Variants in PACS1 observed in about 807,000 individuals in gnomAD.
PACS1 encodes the protein phosphofurin acidic cluster sorting protein 1, also known as PACS-1.
PACS1 carries 24 observed loss-of-function variants against 115.0 expected under a neutral mutation model. The ratio of observed to expected loss-of-function variants is 0.21; its 90% CI spans 0.15 to 0.29. The LOEUF (loss-of-function observed/expected upper bound fraction) is 0.29. Ranked by LOEUF, PACS1 falls within the 10% of genes least tolerant of loss-of-function variation. The pLI, the probability that PACS1 is intolerant of heterozygous loss-of-function variation, is 1.00. For synonymous variants in PACS1, 453 were observed against 504.5 expected, an observed-to-expected ratio of 0.90 and a Z score of 1.37; for missense variants, 838 against 1,251.2, an observed-to-expected ratio of 0.67 and a Z score of 4.98.
intron 19 of PACS1, among the ~76,000 whole-genome samples, chr11:66,237,666 C>A (rs953311496): frequency 2.0e-5 from 3 of 152,202 alleles, no homozygotes; most frequent in Admixed American, 6.5e-5. Flanking sequence ...TTTGACACAT[C>A]TTCGTGGAGC....
At chr11:66,079,767 C>T (rs754775888) in intron 1 of PACS1, among the ~76,000 whole-genome samples, 8 of 152,156 alleles carry the variant, frequency 5.3e-5, no homozygotes, top group Admixed American at 2.0e-4. Context: ...AGTAACTTTC[C>T]GTCATACTTA....
At chr11:66,108,928 C>T (rs1473115925) in intron 1 of PACS1, among the ~76,000 whole-genome samples, 1 of 152,092 alleles carries the variant, frequency 6.6e-6, no homozygotes, top group Non-Finnish European at 1.5e-5. Flanking sequence ...ATGTTTGTGC[C>T]ACTGTACTCC....
At chr11:66,077,891 G>T (rs1012394806) in intron 1 of PACS1, among the ~76,000 whole-genome samples, 9 of 151,818 alleles carry the variant, frequency 5.9e-5, no homozygotes, top group African/African-American at 1.9e-4. Context: ...TAGTAGAGAC[G>T]GGGTTTCACC....
At chr11:66,099,391 T>C (rs1004778974) in intron 1 of PACS1, among the ~76,000 whole-genome samples, 1 of 151,308 alleles carries the variant, frequency 6.6e-6, no homozygotes, top group Non-Finnish European at 1.5e-5. Flanking sequence ...ACTCGGCTAA[T>C]TTTTTTGTAT....
chr11:66,150,248 GTTCT>G (rs567428641), intron 1 of PACS1, among the ~76,000 whole-genome samples: 4 of 152,032 alleles, frequency 2.6e-5, no homozygotes, highest in Non-Finnish European at 4.4e-5. Context: ...ACTGACATAC[GTTCT>G]TTCTCTTTCT....
intron 2 of PACS1, among the ~76,000 whole-genome samples, chr11:66,196,690 T>C (rs571883347): frequency 2.0e-5 from 3 of 152,266 alleles, no homozygotes; most frequent in Non-Finnish European, 4.4e-5. Context: ...CTCCATCTCC[T>C]GGGTTCAAGT....
At chr11:66,143,734 G>A (rs768783106) in intron 1 of PACS1, among the ~76,000 whole-genome samples, 6 of 152,010 alleles carry the variant, frequency 3.9e-5, no homozygotes, top group Admixed American at 3.9e-4. Context: ...CTGCCTCCTG[G>A]GTTCAGGCGA....
intron 1 of PACS1, among the ~76,000 whole-genome samples, chr11:66,168,304 C>T (rs1289155290): frequency 3.3e-5 from 5 of 150,606 alleles, no homozygotes; most frequent in African/African-American, 7.5e-5. Context: ...GGAGAATCAA[C>T]GTATCAATGC....
intron 1 of PACS1, among the ~76,000 whole-genome samples, chr11:66,111,525 C>G (rs1449179602): frequency 6.6e-6 from 1 of 152,224 alleles, no homozygotes; most frequent in African/African-American, 2.4e-5. Context: ...GGACCTAACT[C>G]TTGATTCTCT....
chr11:66,176,035 C>T (rs1859852079), intron 1 of PACS1, among the ~76,000 whole-genome samples: 1 of 140,748 alleles, frequency 7.1e-6, no homozygotes, highest in Non-Finnish European at 1.5e-5. Context: ...CACACTTTGA[C>T]CAAAGTGGAC....
In PACS1 at chr11:66,222,641, A is replaced by G. The variant is rs548595536; in HGVS notation, c.1293+1394A>G. Among the ~76,000 whole-genome samples, 38 of 152,258 alleles carry G rather than the reference A, an allele frequency of 2.5e-4. No individual in the cohort carries two copies. In the Middle Eastern group the frequency reaches 0.01, roughly 41 times the overall value. On this transcript the variant is annotated intron_variant, in intron 10 of 23. Coordinates refer to ENST00000320580, the MANE Select transcript of PACS1 (RefSeq NM_018026.4). ...ACAAATCCTTTAAGTCCTCCTGTTCACCTGCTTTACTGGCAGATGAAGCCT... is the reference window on the plus strand; with the variant it reads ...ACAAATCCTTTAAGTCCTCCTGTTCGCCTGCTTTACTGGCAGATGAAGCCT...
chr11:66,141,787 A>G (rs1421600416), intron 1 of PACS1, among the ~76,000 whole-genome samples: 1 of 151,614 alleles, frequency 6.6e-6, no homozygotes. Context: ...TTTTTTGTAG[A>G]GATGCAGTTG....
rs1278956200 is a variant in PACS1 at position 66,239,265 on chromosome 11, T to C, written c.2417T>C (p.Leu806Pro). 2 of 1,611,948 alleles carry C rather than the reference T, an allele frequency of 1.2e-6. No individual in the cohort carries two copies. Among genetic ancestry groups the C allele is most frequent in the Admixed American group, 3.3e-5 (2 of 59,832 alleles). ...TCCTCCCCATCTATGAGCAGCGCCC[T>C]GGCCATCGTGGGGTAAGGCTCCTGC... ...PPSSPSMSSA[L>P]AIVGSPNSPY... Residue 806 changes from leucine to proline, a missense_variant, in exon 21 of 24, where the codon CTG (leucine) becomes CCG (proline). Leu to Pro is a moderately conservative substitution (Grantham distance 98, BLOSUM62 -3). Around this residue, in one of 6 missense-constraint regions of PACS1, gnomAD observed 383 missense variants for 537.0 expected, o/e 0.71. Coordinates refer to ENST00000320580, the MANE Select transcript of PACS1 (RefSeq NM_018026.4).
intron 1 of PACS1, among the ~76,000 whole-genome samples, chr11:66,105,928 A>G (rs1858027995): frequency 6.6e-6 from 1 of 152,158 alleles, no homozygotes; most frequent in Non-Finnish European, 1.5e-5. Flanking sequence ...TTTATTTGAG[A>G]TGAAACCCAT....
chr11:66,242,012 C>T (rs765665081), intron 22 of PACS1, among the ~76,000 whole-genome samples: 1 of 152,200 alleles, frequency 6.6e-6, no homozygotes, highest in Non-Finnish European at 1.5e-5. Flanking sequence ...CCCTGTGACG[C>T]AGGAGTAGAG....
At chr11:66,181,532 T>C (rs1372415433) in intron 1 of PACS1, among the ~76,000 whole-genome samples, 3 of 152,102 alleles carry the variant, frequency 2.0e-5, no homozygotes, top group African/African-American at 7.2e-5. Context: ...CTTTTAAAAT[T>C]AGTAGTGTAT....
chr11:66,230,116 C>T (rs1307862580), intron 11 of PACS1, among the ~76,000 whole-genome samples: 1 of 134,912 alleles, frequency 7.4e-6, no homozygotes, highest in African/African-American at 2.8e-5. Flanking sequence ...GTGGCTTTGG[C>T]CAAGGTAAGG....
intron 1 of PACS1, among the ~76,000 whole-genome samples, chr11:66,132,117 C>T (rs1858719371): frequency 6.6e-6 from 1 of 152,104 alleles, no homozygotes; most frequent in Non-Finnish European, 1.5e-5. Context: ...ATTGTAATCC[C>T]TGAGTGTTAA....
intron 1 of PACS1, among the ~76,000 whole-genome samples, chr11:66,098,214 A>G (rs1196754641): frequency 6.6e-6 from 1 of 152,066 alleles, no homozygotes; most frequent in Non-Finnish European, 1.5e-5. Flanking sequence ...AATAATCAAT[A>G]TGTTTGTCTT....
Sources: gnomAD v4.1 joint callset for allele counts (sites outside exome capture counted in the v4.1 genomes callset) on GRCh38, gnomAD v4.1.1 for gene constraint, gnomAD v4.1.1 regional missense constraint, MANE v1.5 for transcripts, NCBI Gene and HGNC (gene_info 2026-07-23, HGNC 2026-07-21) for gene names.